The following DTNB variants were observed in gnomAD, a reference collection of about 807,000 sequenced individuals.
DTNB encodes the protein DTN-B.
In DTNB, 63 loss-of-function variants were observed where a neutral mutation model predicts 90.7. The observed-to-expected ratio is 0.69, with a 90% CI of 0.57 to 0.86. The LOEUF (loss-of-function observed/expected upper bound fraction) is 0.86, where lower values mean the gene tolerates loss of function less well. Among genes scored for constraint, DTNB ranks in the 40% least tolerant of loss-of-function variants. The pLI is 0.00. For synonymous variants in DTNB, 277 were observed against 286.7 expected, an observed-to-expected ratio of 0.97 and a Z score of 0.34; for missense variants, 744 against 807.1, an observed-to-expected ratio of 0.92 and a Z score of 0.95.
At chr2:25,419,142 C>A (rs986548633) in intron 16 of DTNB, 2 of 253,582 alleles carry the variant, frequency 7.9e-6, no homozygotes, top group African/African-American at 2.2e-5. Context: ...CATGCACATT[C>A]ATTCATGACA....
chr2:25,423,633 A>G (rs1574208701), intron 15 of DTNB, among the ~76,000 whole-genome samples: 1 of 152,148 alleles, frequency 6.6e-6, no homozygotes, highest in East Asian at 1.9e-4. Flanking sequence ...ACATCAATAA[A>G]AGCAGACAAC....
At chr2:25,412,816 T>C (rs1359772695) in intron 16 of DTNB, among the ~76,000 whole-genome samples, 1 of 152,212 alleles carries the variant, frequency 6.6e-6, no homozygotes, top group African/African-American at 2.4e-5. Flanking sequence ...GATGAACTTG[T>C]ACATCTGAAC....
intron 9 of DTNB, among the ~76,000 whole-genome samples, chr2:25,499,411 C>T (rs1403878276): frequency 6.6e-6 from 1 of 152,230 alleles, no homozygotes; most frequent in African/African-American, 2.4e-5. Context: ...ATGCTGTGCT[C>T]TGGGGATCTG....
chr2:25,626,554 A>G (rs1342546508), intron 4 of DTNB, among the ~76,000 whole-genome samples: 1 of 152,200 alleles, frequency 6.6e-6, no homozygotes, highest in Non-Finnish European at 1.5e-5. Flanking sequence ...GTTTGAGCCC[A>G]GTAGTTAGAC....
At chr2:25,525,873 A>T (rs1367417189) in intron 9 of DTNB, among the ~76,000 whole-genome samples, 4 of 152,094 alleles carry the variant, frequency 2.6e-5, no homozygotes, top group Non-Finnish European at 5.9e-5. Context: ...GAGGGGTGAG[A>T]GGTTGCATTA....
intron 16 of DTNB, among the ~76,000 whole-genome samples, chr2:25,408,186 G>A (rs2045702049): frequency 6.6e-6 from 1 of 152,014 alleles, no homozygotes; most frequent in Non-Finnish European, 1.5e-5. Context: ...GTGCATGCCT[G>A]TAATTCCAGT....
intron 9 of DTNB, among the ~76,000 whole-genome samples, chr2:25,526,384 T>TAA (rs2077131507): frequency 5.6e-5 from 3 of 53,540 alleles, no homozygotes; most frequent in African/African-American, 1.1e-4. Context: ...TATATATATA[T>TAA]ATATATATAT....
Position 25,455,461 on chromosome 2 carries a change from C to CA in DTNB, c.1112dup (p.Leu371PhefsTer4). The CA allele has an allele frequency of 6.2e-7, 1 of 1,607,654 alleles. No homozygotes were observed. ...AGGCTATCAGCGCATGCTCATCGGC[C>CA]AAGTGACTGGGTATATCCTGGCTAT... On this transcript the variant is annotated frameshift_variant, in exon 11 of 21. Transcript: ENST00000406818. LOFTEE classifies it high-confidence loss of function.
At chr2:25,574,613 C>T (rs17047080) in intron 8 of DTNB, among the ~76,000 whole-genome samples, 5,119 of 152,176 alleles carry the variant, frequency 0.034, 285 homozygotes, top group African/African-American at 0.11. Flanking sequence ...TAAACACAGC[C>T]GACAATCTCA....
intron 10 of DTNB, among the ~76,000 whole-genome samples, chr2:25,471,608 T>G (rs1460605435): frequency 2.0e-5 from 3 of 151,996 alleles, no homozygotes; most frequent in Non-Finnish European, 4.4e-5. Context: ...GTTGGCCAGG[T>G]TGGTCTCAAA....
chr2:25,646,413 A>G (rs1173392355), intron 2 of DTNB, among the ~76,000 whole-genome samples: 1 of 152,052 alleles, frequency 6.6e-6, no homozygotes, highest in East Asian at 1.9e-4. Flanking sequence ...CGGAGATTGC[A>G]GTGAGCCGAG....
At chr2:25,591,135 G>A (rs1406377779) in intron 6 of DTNB, among the ~76,000 whole-genome samples, 2 of 152,138 alleles carry the variant, frequency 1.3e-5, no homozygotes, top group Non-Finnish European at 2.9e-5. Context: ...GCAGGGAGAC[G>A]CCAGGCAGCG....
intron 9 of DTNB, among the ~76,000 whole-genome samples, chr2:25,525,279 G>A (rs1355403424): frequency 6.6e-6 from 1 of 152,148 alleles, no homozygotes; most frequent in Non-Finnish European, 1.5e-5. Flanking sequence ...TTGGGAAAAG[G>A]AAAGCGTGAT....
chr2:25,519,928 A>G (rs1042823009), intron 9 of DTNB, among the ~76,000 whole-genome samples: 3 of 152,168 alleles, frequency 2.0e-5, no homozygotes, highest in Non-Finnish European at 2.9e-5. Context: ...TCTCCCATCA[A>G]AAGAAGAAAG....
At chr2:25,455,138 T>TA (rs1362642457) in intron 11 of DTNB, among the ~76,000 whole-genome samples, 1 of 152,196 alleles carries the variant, frequency 6.6e-6, no homozygotes, top group Non-Finnish European at 1.5e-5. Flanking sequence ...GGTTTATATA[T>TA]TTTTTGAGTG....
chr2:25,571,058 G>A (rs944183776), intron 8 of DTNB, among the ~76,000 whole-genome samples: 1 of 152,166 alleles, frequency 6.6e-6, no homozygotes, highest in African/African-American at 2.4e-5. Flanking sequence ...TCCATCCACA[G>A]CATTCCCCAT....
At chr2:25,381,980 C>G (rs1426226642) in intron 19 of DTNB, among the ~76,000 whole-genome samples, 1 of 152,232 alleles carries the variant, frequency 6.6e-6, no homozygotes, top group Non-Finnish European at 1.5e-5. Flanking sequence ...CTGTATCTCC[C>G]ACTTGGCTTC....
rs1481888727 is a variant in DTNB at position 25,673,399 on chromosome 2, C to T, written c.-15G>A. The T allele has an allele frequency of 6.6e-6, 1 of 151,208 alleles. No homozygotes were observed. Among genetic ancestry groups the T allele is most frequent in the Non-Finnish European group, 1.5e-5 (1 of 67,756 alleles). The allele number at this position is 151,208 out of a possible 1,614,324, so 9.4% of individuals were successfully genotyped here. ...GCAGACCCCCACCTTGCTCACTTCC[C>T]CGCCGGAGCAGGGGTCGTCGGGAAG... On this transcript the variant is annotated 5_prime_UTR_variant, in exon 1 of 21. Transcript: ENST00000406818.
rs56194433 is a variant in DTNB at position 25,662,679 on chromosome 2, CAA to C, written c.-1-10020_-1-10019del. Among the ~76,000 whole-genome samples, 421 of 23,044 alleles carry C rather than the reference CAA, an allele frequency of 0.018. 4 individuals carry two copies. The East Asian group carries it at 0.26, about 14-fold the overall frequency. The allele number at this position is 23,044 out of a possible 152,430, so 15.1% of individuals were successfully genotyped here. On this transcript the variant is annotated intron_variant, in intron 1 of 20. Transcript: ENST00000406818. Reference sequence around the variant, plus strand: ...ACACACACACACACACACACACACACAAACACACACACACACACACACACACA... The same window carrying C: ...ACACACACACACACACACACACACACACACACACACACACACACACACACA...
Sources: gnomAD v4.1 joint callset for allele counts (sites outside exome capture counted in the v4.1 genomes callset) on GRCh38, gnomAD v4.1.1 for gene constraint, MANE v1.5 for transcripts, NCBI Gene and HGNC (gene_info 2026-07-23, HGNC 2026-07-21) for gene names.